VCL: variants seen among roughly 807,000 people sequenced by gnomAD.
VCL encodes the protein epididymis luminal protein 114.
A neutral mutation model predicts 125.7 loss-of-function variants in VCL; 47 were observed. The observed-to-expected ratio is 0.37, with a 90% CI of 0.30 to 0.48. VCL has a LOEUF of 0.48. Among genes scored for constraint, VCL ranks in the 20% least tolerant of loss-of-function variants. The pLI is 0.99. For synonymous variants in VCL, 458 were observed against 514.6 expected (o/e 0.89, Z 1.49); for missense variants, 1,069 against 1,455.5 (o/e 0.73, Z 4.32).
At chr10:74,108,641 G>A (rs1160753773) in intron 17 of VCL, among the ~76,000 whole-genome samples, 2 of 152,042 alleles carry the variant, frequency 1.3e-5, no homozygotes, top group Admixed American at 6.6e-5. Flanking sequence ...CACCATGCCC[G>A]GCTAATTTTT....
chr10:74,105,907 C>G (rs1371142681), intron 16 of VCL, among the ~76,000 whole-genome samples: 3 of 139,490 alleles, frequency 2.2e-5, no homozygotes, highest in African/African-American at 8.0e-5. Flanking sequence ...TGCCCAACCT[C>G]TGCGCTTTTT....
intron 6 of VCL, chr10:74,077,252 C>T (rs1839601951): frequency 6.6e-6 from 1 of 152,572 alleles, no homozygotes; most frequent in African/African-American, 2.4e-5. Context: ...AAAAGAGATG[C>T]TTATTTTTTA....
chr10:73,998,422 C>T (rs891860740), intron 1 of VCL, 47 bp downstream of exon 1: 5 of 1,341,188 alleles, frequency 3.7e-6, no homozygotes, highest in Admixed American at 4.1e-5. Context: ...GAGGTATCCC[C>T]GGGGCCCCGG....
chr10:74,001,042 T>G (rs886338292), intron 1 of VCL, among the ~76,000 whole-genome samples: 1 of 152,024 alleles, frequency 6.6e-6, no homozygotes, highest in Non-Finnish European at 1.5e-5. Context: ...GGAGAGAAAT[T>G]GGAGATGAAG....
At chr10:74,004,311 A>G (rs1212658552) in intron 1 of VCL, among the ~76,000 whole-genome samples, 2 of 152,224 alleles carry the variant, frequency 1.3e-5, no homozygotes, top group African/African-American at 2.4e-5. Flanking sequence ...ATAATCTCAT[A>G]GCAGTCTATG....
At chr10:74,092,263 T>C (rs534559851) in intron 10 of VCL, among the ~76,000 whole-genome samples, 1 of 152,318 alleles carries the variant, frequency 6.6e-6, no homozygotes, top group East Asian at 1.9e-4. Context: ...GTTACCTTTC[T>C]ATGGCTGAGA....
chr10:74,112,195 C>T (rs1840236342), intron 19 of VCL, 83 bp downstream of exon 19: 20 of 1,549,648 alleles, frequency 1.3e-5, no homozygotes, highest in Non-Finnish European at 1.8e-5. Flanking sequence ...CACTCATGAT[C>T]TGTGCTGGTC....
At chr10:74,109,920 G>T (rs563645610) in intron 18 of VCL, among the ~76,000 whole-genome samples, 47 of 152,182 alleles carry the variant, frequency 3.1e-4, no homozygotes, top group African/African-American at 1.1e-3. Flanking sequence ...TATGACCCTA[G>T]ATCTTTATTC....
chr10:74,033,871 A>G (rs1357409282), intron 1 of VCL, among the ~76,000 whole-genome samples: 1 of 152,060 alleles, frequency 6.6e-6, no homozygotes, highest in Non-Finnish European at 1.5e-5. Context: ...GAGCCATCCT[A>G]GATTTCTGTC....
intron 1 of VCL, among the ~76,000 whole-genome samples, chr10:74,018,283 C>T (rs1840599121): frequency 6.7e-6 from 1 of 148,340 alleles, no homozygotes; most frequent in African/African-American, 2.5e-5. Flanking sequence ...GTCTTGAACT[C>T]CTGGGCTCAT....
intron 6 of VCL, among the ~76,000 whole-genome samples, chr10:74,080,988 G>C (rs193284706): frequency 1.1e-4 from 16 of 152,296 alleles, no homozygotes; most frequent in Admixed American, 2.0e-4. Flanking sequence ...AACCATTTGA[G>C]AATCAAAGCA....
rs1841648203 is a variant in VCL, at chr10:74,070,599, CT to C, written c.240-70del. On this transcript the variant is annotated intron_variant, in intron 2 of 21. Transcript: ENST00000211998. Reference sequence around the variant, plus strand: ...AACTGTGAATTTACATGCATATTCTCTCTTTGTATTTGCATATGGTATTCTT... The same window carrying C: ...AACTGTGAATTTACATGCATATTCTCCTTTGTATTTGCATATGGTATTCTT... 3 of 1,594,686 alleles carry C rather than the reference CT, an allele frequency of 1.9e-6. No homozygotes were observed. The African/African-American group carries it at 4.0e-5, about 21-fold the overall frequency.
intron 10 of VCL, among the ~76,000 whole-genome samples, chr10:74,091,894 T>C (rs1414323713): frequency 6.6e-6 from 1 of 151,460 alleles, no homozygotes; most frequent in Non-Finnish European, 1.5e-5. Flanking sequence ...TTTTTATTTA[T>C]GTATGTATTT....
At chr10:73,998,991 C>G (rs1294685159) in intron 1 of VCL, among the ~76,000 whole-genome samples, 1 of 152,176 alleles carries the variant, frequency 6.6e-6, no homozygotes, top group African/African-American at 2.4e-5. Flanking sequence ...GTCGCCTCCT[C>G]CTCCCTCCTG....
chr10:74,090,117 A>G lies in VCL; in HGVS notation c.1271A>G (p.Asp424Gly). The stretch of plus-strand genomic sequence containing the variant: ...CGGAAAATAGCAGAATTATGTGATG[A>G]TCCTAAAGAAAGAGATGACATTCTA... ...EARKIAELCDDPKERDDILRS... is the reference protein window; with the variant it reads ...EARKIAELCDGPKERDDILRS... The change falls in exon 10 of 22, where the codon GAT becomes GGT. Residue 424 changes from aspartate to glycine, a missense_variant. Around this residue, in one of 6 missense-constraint regions of VCL, gnomAD observed 760 missense variants for 928.9 expected, o/e 0.82. Coordinates refer to ENST00000211998, the MANE Select transcript of VCL (RefSeq NM_014000.3). The G allele has an allele frequency of 6.2e-7, 1 of 1,614,198 alleles. No homozygotes were observed. Among genetic ancestry groups the G allele is most frequent in the Non-Finnish European group, 8.5e-7 (1 of 1,180,038 alleles).
intron 6 of VCL, chr10:74,075,117 G>C: frequency 1.7e-6 from 1 of 600,292 alleles, no homozygotes; most frequent in Non-Finnish European, 2.9e-6. Flanking sequence ...AAATAGGCAT[G>C]TGGGGTAGAT....
rs1032908483 is a variant in VCL at position 74,071,793 on chromosome 10, G to A, written c.499+710G>A. On this transcript the variant is annotated intron_variant, in intron 4 of 21. Coordinates refer to ENST00000211998, the MANE Select transcript of VCL (RefSeq NM_014000.3). The surrounding 1 kb of genome is among the most constrained non-coding windows in gnomAD (Gnocchi z 4.1). ...TTTTTAATTAACAGCATTTTTATGA[G>A]GTTCCAGTGTAGGTGTTCTGTAAAA... Among the ~76,000 whole-genome samples, 1 of 152,136 alleles carries A rather than the reference G, an allele frequency of 6.6e-6. No individual in the cohort carries two copies. The highest frequency in any genetic ancestry group is 1.5e-5 in the Non-Finnish European group (1 of 68,036).
In VCL at chr10:73,998,311, A is replaced by G; in HGVS notation, c.104A>G (p.Lys35Arg). 3.8e-6 allele frequency: 6 copies of G among 1,589,808 alleles called. No homozygotes were observed. The highest frequency in any genetic ancestry group is 5.1e-6 in the Non-Finnish European group (6 of 1,167,864). The change falls in exon 1 of 22, where the codon AAA becomes AGA. Residue 35 changes from lysine to arginine, a missense_variant. Coordinates refer to ENST00000211998, the MANE Select transcript of VCL (RefSeq NM_014000.3). ...IMHEEGEVDG[K>R]AIPDLTAPVA... Reference sequence around the variant, plus strand: ...CACGAGGAGGGCGAGGTGGACGGCAAAGCCATTCCTGACCTCACCGCGCCC... The same window carrying G: ...CACGAGGAGGGCGAGGTGGACGGCAGAGCCATTCCTGACCTCACCGCGCCC...
At chr10:74,093,415 A>G (rs1311854082) in intron 10 of VCL, among the ~76,000 whole-genome samples, 1 of 152,144 alleles carries the variant, frequency 6.6e-6, no homozygotes, top group African/African-American at 2.4e-5. Context: ...TCATACCTCC[A>G]TTTTGTTTCT....
Sources: gnomAD v4.1 joint callset for allele counts (sites outside exome capture counted in the v4.1 genomes callset) on GRCh38, gnomAD v4.1.1 for gene constraint, gnomAD v4.1.1 regional missense constraint, Gnocchi (gnomAD v3.1) non-coding constraint, MANE v1.5 for transcripts, NCBI Gene and HGNC (gene_info 2026-07-23, HGNC 2026-07-21) for gene names.